VWC2: variants seen among roughly 807,000 people sequenced by gnomAD.
VWC2 encodes the protein brorin.
Under a neutral mutation model 29.8 loss-of-function variants are expected in VWC2, and 14 were observed. The observed-to-expected ratio is 0.47, with a 90% confidence interval of 0.31 to 0.74. VWC2 has a LOEUF of 0.74. Among genes scored for constraint, VWC2 ranks in the 30% least tolerant of loss-of-function variants. The pLI is 0.05. For synonymous variants in VWC2, 213 were observed against 199.0 expected (o/e 1.07, Z -0.59); for missense variants, 457 against 459.8 (o/e 0.99, Z 0.05).
intron 3 of VWC2, among the ~76,000 whole-genome samples, chr7:49,854,507 T>C (rs111642858): frequency 1.3e-5 from 2 of 152,360 alleles, no homozygotes; most frequent in African/African-American, 4.8e-5. Flanking sequence ...TGCATAAATG[T>C]CTTCTTTTGA....
chr7:49,911,954 TAC>T, intron 3 of VWC2, 78 bp from the exon 4 acceptor site: 2 of 434,406 alleles, frequency 4.6e-6, no homozygotes, highest in Non-Finnish European at 6.6e-6. Flanking sequence ...CACATATATA[TAC>T]TGTAATGCTT....
intron 3 of VWC2, among the ~76,000 whole-genome samples, chr7:49,828,805 T>C (rs1256358585): frequency 6.6e-6 from 1 of 152,136 alleles, no homozygotes; most frequent in African/African-American, 2.4e-5. Flanking sequence ...GCCCACTCCC[T>C]CCACCACCTC....
intron 3 of VWC2, among the ~76,000 whole-genome samples, chr7:49,827,005 A>G (rs1029241740): frequency 6.6e-6 from 1 of 152,076 alleles, no homozygotes; most frequent in Non-Finnish European, 1.5e-5. Context: ...TTTATTCATA[A>G]TTGTTTTATT....
chr7:49,835,118 G>A (rs948765921), intron 3 of VWC2, among the ~76,000 whole-genome samples: 2 of 152,130 alleles, frequency 1.3e-5, no homozygotes, highest in African/African-American at 2.4e-5. Flanking sequence ...ATTCTCACTG[G>A]TTTATAGCGG....
intron 3 of VWC2, among the ~76,000 whole-genome samples, chr7:49,811,977 T>C (rs914496957): frequency 6.6e-6 from 1 of 152,204 alleles, no homozygotes; most frequent in Non-Finnish European, 1.5e-5. Flanking sequence ...ATCCATGTAC[T>C]GAATACTGTT....
At chr7:49,829,391 C>T (rs1464306308) in intron 3 of VWC2, among the ~76,000 whole-genome samples, 1 of 152,202 alleles carries the variant, frequency 6.6e-6, no homozygotes, top group Non-Finnish European at 1.5e-5. Context: ...TCCAGCTTTG[C>T]TCATGAGTCC....
intron 3 of VWC2, among the ~76,000 whole-genome samples, chr7:49,841,452 G>C (rs1176096028): frequency 2.0e-5 from 3 of 152,198 alleles, no homozygotes; most frequent in Non-Finnish European, 4.4e-5. Context: ...TAGGGATTCA[G>C]TGTTTTAAGT....
intron 3 of VWC2, among the ~76,000 whole-genome samples, chr7:49,819,526 A>C (rs1002740153): frequency 6.6e-6 from 1 of 152,222 alleles, no homozygotes; most frequent in South Asian, 2.1e-4. Flanking sequence ...ATTGTAGGGG[A>C]AAAATAACAT....
intron 3 of VWC2, among the ~76,000 whole-genome samples, chr7:49,841,371 A>T (rs1482924567): frequency 1.3e-5 from 2 of 152,132 alleles, no homozygotes; most frequent in Non-Finnish European, 2.9e-5. Flanking sequence ...CAGTCAGCTC[A>T]AAGTACTGTA....
In VWC2 at chr7:49,912,515, G is replaced by A; in HGVS notation, c.*330G>A. 5.4e-6 allele frequency: 1 copy of A among 183,890 alleles called. No homozygotes were observed. Among genetic ancestry groups the A allele is most frequent in the Non-Finnish European group, 1.1e-5 (1 of 87,336 alleles). 11.4% of individuals were successfully genotyped at this position (183,890 alleles called of 1,614,324 possible). A position where few individuals can be genotyped will look rare whatever the true frequency, so the allele number is the denominator to read the frequency against. ...TATATAAGTGTTTTCTATAGATGCA[G>A]ATTAAAAATGCTGTGTTGTCAACCG... On this transcript the variant is annotated 3_prime_UTR_variant, in exon 4 of 4. Transcript: ENST00000340652.
chr7:49,775,948 G>C lies in VWC2; in HGVS notation c.513G>C (p.Pro171=). Reference sequence around the variant, plus strand: ...ACGCGATCGGGGAGAAGTTCGCGCCGGGCCCCTCGGCCTGCCCGTGCCTGT... The same window carrying C: ...ACGCGATCGGGGAGAAGTTCGCGCCCGGCCCCTCGGCCTGCCCGTGCCTGT... ...FVYAIGEKFA[P]GPSACPCLCT... The change falls in exon 2 of 4, where the codon CCG becomes CCC. Residue 171 remains proline, a synonymous_variant. Coordinates refer to ENST00000340652, the MANE Select transcript of VWC2 (RefSeq NM_198570.5). 6.4e-7 allele frequency: 1 copy of C among 1,552,634 alleles called. No homozygotes were observed. Among genetic ancestry groups the C allele is most frequent in the Non-Finnish European group, 8.7e-7 (1 of 1,150,972 alleles).
chr7:49,779,723 G>T (rs1483852122), intron 2 of VWC2, among the ~76,000 whole-genome samples: 2 of 152,064 alleles, frequency 1.3e-5, no homozygotes, highest in Non-Finnish European at 2.9e-5. Context: ...GAATAAATCT[G>T]GAAATCCAAG....
chr7:49,831,534 A>G (rs760931249), intron 3 of VWC2, among the ~76,000 whole-genome samples: 1 of 152,196 alleles, frequency 6.6e-6, no homozygotes, highest in Admixed American at 6.5e-5. Flanking sequence ...ACATGGGTAG[A>G]ATATACAGGT....
rs909099485 is a variant in VWC2 at position 49,920,981 on chromosome 7, T to C, written c.*8796T>C. The C allele has an allele frequency of 3.3e-5, 5 of 152,232 alleles. No homozygotes were observed. Among genetic ancestry groups the C allele is most frequent in the African/African-American group, 1.2e-4 (5 of 41,460 alleles). The allele number at this position is 152,232 out of a possible 1,614,324, so 9.4% of individuals were successfully genotyped here. On this transcript the variant is annotated 3_prime_UTR_variant, in exon 4 of 4. Transcript: ENST00000340652. ...GACTGAGAATAATGATATGCTTTTA[T>C]AAATTATTTGGTGAAAGTTTTCCAG...
intron 3 of VWC2, among the ~76,000 whole-genome samples, chr7:49,860,359 CT>C (rs1183923929): frequency 2.0e-5 from 3 of 152,288 alleles, no homozygotes; most frequent in African/African-American, 7.2e-5. Context: ...AATATTTGTC[CT>C]TTTGTGTCTG....
chr7:49,826,538 G>A (rs1789395738), intron 3 of VWC2, among the ~76,000 whole-genome samples: 1 of 152,090 alleles, frequency 6.6e-6, no homozygotes, highest in African/African-American at 2.4e-5. Context: ...CTTTAGAAGT[G>A]CACAAATGTA....
intron 3 of VWC2, among the ~76,000 whole-genome samples, chr7:49,875,872 G>C (rs182129904): frequency 2.6e-4 from 39 of 152,200 alleles, no homozygotes; most frequent in Admixed American, 1.4e-3. Context: ...ATCCTGCTTG[G>C]TTTCTCACCA....
At chr7:49,908,142 G>C (rs1793207127) in intron 3 of VWC2, among the ~76,000 whole-genome samples, 1 of 152,164 alleles carries the variant, frequency 6.6e-6, no homozygotes, top group Admixed American at 6.5e-5. Context: ...CTAGAGTCAG[G>C]CTGGAATTTG....
chr7:49,815,210 G>C (rs1036804719), intron 3 of VWC2, among the ~76,000 whole-genome samples: 1 of 152,192 alleles, frequency 6.6e-6, no homozygotes. Context: ...GTCTAGAGGT[G>C]AGGTAGCCTT....
Sources: gnomAD v4.1 joint callset for allele counts (sites outside exome capture counted in the v4.1 genomes callset) on GRCh38, gnomAD v4.1.1 for gene constraint, MANE v1.5 for transcripts, NCBI Gene and HGNC (gene_info 2026-07-23, HGNC 2026-07-21) for gene names.